Variants in TFDP1 observed in about 807,000 individuals in gnomAD.
TFDP1 encodes transcription factor Dp-1.
TFDP1 carries 6 observed loss-of-function variants against 48.0 expected under a neutral mutation model. The ratio of observed to expected loss-of-function variants is 0.13; its 90% confidence interval spans 0.07 to 0.25. The LOEUF is 0.25. TFDP1 is among the 10% of genes least tolerant of loss of function. The probability of loss-of-function intolerance (pLI) is 1.00; values close to 1 mark genes in which losing one functional copy is unlikely to be tolerated. For synonymous variants in TFDP1, 201 were observed against 211.6 expected, an observed-to-expected ratio of 0.95 and a Z score of 0.44; for missense variants, 335 against 543.0, an observed-to-expected ratio of 0.62 and a Z score of 3.81.
intron 2 of TFDP1, among the ~76,000 whole-genome samples, chr13:113,596,415 T>C (rs2048290548): frequency 6.6e-6 from 1 of 152,168 alleles, no homozygotes; most frequent in South Asian, 2.1e-4. Flanking sequence ...CGATGCAGCA[T>C]GGAGGACAGA....
In TFDP1 at chr13:113,596,076, C is replaced by T. The variant is rs144006555; in HGVS notation, c.12+10227C>T. Among the ~76,000 whole-genome samples, 23 of 151,496 alleles carry T rather than the reference C, an allele frequency of 1.5e-4. No individual in the cohort carries two copies. In the East Asian group the frequency reaches 3.7e-3, roughly 24 times the overall value. On this transcript the variant is annotated intron_variant, in intron 2 of 11. Transcript: ENST00000375370. ...CCGCCTGGGCGACAGAGTGAGACTC[C>T]GTCTCAAAAAAAAAAAGTATTAATG...
intron 3 of TFDP1, among the ~76,000 whole-genome samples, chr13:113,613,749 T>C (rs1303604776): frequency 6.9e-6 from 1 of 145,504 alleles, no homozygotes; most frequent in Non-Finnish European, 1.5e-5. Flanking sequence ...TCTGTGTGTA[T>C]GCGTGAATGC....
In TFDP1 at chr13:113,636,663, A is replaced by G; in HGVS notation, c.969A>G (p.Arg323=). ...SCSAEDLKMA[R]SLVPKALEPY... ...CTGCCGAAGACCTTAAAATGGCCAG[A>G]AGTCTGGTCCCCAAGGCTCTGGAGC... is the stretch of plus-strand genomic sequence containing the variant. The change falls in exon 10 of 12, where the codon AGA becomes AGG. Residue 323 remains arginine, a synonymous_variant. Transcript: ENST00000375370. 1 of 1,614,166 alleles carries G rather than the reference A, an allele frequency of 6.2e-7. No individual in the cohort carries two copies. The highest frequency in any genetic ancestry group is 8.5e-7 in the Non-Finnish European group (1 of 1,180,010).
intron 2 of TFDP1, among the ~76,000 whole-genome samples, chr13:113,599,888 C>T (rs1400076397): frequency 6.7e-6 from 1 of 149,820 alleles, no homozygotes; most frequent in Non-Finnish European, 1.5e-5. Context: ...GGCTTCAGGA[C>T]TGCCAGAGAG....
At chr13:113,590,915 TAGG>T (rs1566632495) in intron 2 of TFDP1, among the ~76,000 whole-genome samples, 1 of 134,284 alleles carries the variant, frequency 7.4e-6, no homozygotes, top group African/African-American at 2.9e-5. Flanking sequence ...GAGGCTGAGT[TAGG>T]AGAATGGCGT....
At chr13:113,602,872 A>G (rs2048472449) in intron 2 of TFDP1, among the ~76,000 whole-genome samples, 1 of 151,676 alleles carries the variant, frequency 6.6e-6, no homozygotes, top group Admixed American at 6.6e-5. Flanking sequence ...CACAGAGTTG[A>G]TGCCAGGGGT....
At chr13:113,636,494 T>C in intron 9 of TFDP1, 40 bp from the exon 10 acceptor site, 1 of 1,606,134 alleles carries the variant, frequency 6.2e-7, no homozygotes, top group South Asian at 1.1e-5. Flanking sequence ...CCGTCTCCGC[T>C]GGGAGACCCT....
chr13:113,639,803 C>T (rs1566682116), intron 11 of TFDP1, among the ~76,000 whole-genome samples: 1 of 152,224 alleles, frequency 6.6e-6, no homozygotes. Flanking sequence ...AATGGTTTTA[C>T]AGTTTGTTCC....
intron 4 of TFDP1, among the ~76,000 whole-genome samples, chr13:113,625,974 C>T (rs890976666): frequency 6.9e-6 from 1 of 145,298 alleles, no homozygotes; most frequent in Middle Eastern, 3.3e-3. Context: ...GCGTCTCTCA[C>T]GTGTCCTCAG....
intron 2 of TFDP1, among the ~76,000 whole-genome samples, chr13:113,605,127 C>T (rs1254313678): frequency 2.6e-5 from 4 of 151,778 alleles, no homozygotes; most frequent in Admixed American, 2.0e-4. Flanking sequence ...TCTTGCGACT[C>T]TTCCTGTTGT....
chr13:113,601,054 C>T (rs79277679), intron 2 of TFDP1, among the ~76,000 whole-genome samples: 1,934 of 152,310 alleles, frequency 0.013, 38 homozygotes, highest in African/African-American at 0.044. Flanking sequence ...TCACGCTGTC[C>T]TGGATCTTCT....
chr13:113,604,947 G>T (rs1238454492), intron 2 of TFDP1, among the ~76,000 whole-genome samples: 1 of 152,226 alleles, frequency 6.6e-6, no homozygotes, highest in Non-Finnish European at 1.5e-5. Context: ...GTAAAGGTGA[G>T]CAGCAGCGAG....
rs574108877 is a variant in TFDP1 at position 113,590,886 on chromosome 13, T to TG, written c.12+5038dup. ...TTAGCCAGGCATGGTGGTGGGCGCC[T>TG]GTAGTCCCAGCTACTGGGGAGGCTG... On this transcript the variant is annotated intron_variant, in intron 2 of 11. Transcript: ENST00000375370. 1.3e-4 allele frequency among the ~76,000 whole-genome samples: 19 copies of TG among 151,620 alleles called. No individual in the cohort carries two copies. In the South Asian group the frequency reaches 3.5e-3, roughly 28 times the overall value.
At chr13:113,597,497 C>G (rs997195673) in intron 2 of TFDP1, among the ~76,000 whole-genome samples, 1 of 152,220 alleles carries the variant, frequency 6.6e-6, no homozygotes, top group East Asian at 1.9e-4. Flanking sequence ...GTCCCGGGGC[C>G]TGAACGGCTG....
intron 8 of TFDP1, 137 bp downstream of exon 8, chr13:113,634,739 A>AACACC: frequency 1.5e-6 from 1 of 679,186 alleles, no homozygotes; most frequent in Non-Finnish European, 2.5e-6. Context: ...GTGTGAGTTC[A>AACACC]TCTCATAGGT....
At chr13:113,588,615 A>G (rs1471878671) in intron 2 of TFDP1, among the ~76,000 whole-genome samples, 10 of 152,188 alleles carry the variant, frequency 6.6e-5, no homozygotes. Context: ...GGGAGGAGAG[A>G]GGTACTCTGA....
At chr13:113,634,871 C>CTGTGTG (rs1164166730) in intron 8 of TFDP1, among the ~76,000 whole-genome samples, 5 of 146,224 alleles carry the variant, frequency 3.4e-5, no homozygotes, top group African/African-American at 1.3e-4. Flanking sequence ...GTGCGTGTGC[C>CTGTGTG]TGTGTGCGTG....
At position 113,640,583 on chromosome 13, in the gene TFDP1, G is replaced by A. The variant is rs2049618183; in HGVS notation, c.*316G>A. 6.7e-6 allele frequency: 2 copies of A among 297,662 alleles called. No individual in the cohort carries two copies. Among genetic ancestry groups the A allele is most frequent in the East Asian group, 2.8e-4 (2 of 7,254 alleles). The allele number at this position is 297,662 out of a possible 1,614,324, so 18.4% of individuals were successfully genotyped here. Reference sequence around the variant, plus strand: ...AAAAGTTTTTGCTGAGTTTGCTGAAGAAATTGTATTTCAACCACATCCATG... The same window carrying A: ...AAAAGTTTTTGCTGAGTTTGCTGAAAAAATTGTATTTCAACCACATCCATG... On this transcript the variant is annotated 3_prime_UTR_variant, in exon 12 of 12. Transcript: ENST00000375370.
intron 2 of TFDP1, among the ~76,000 whole-genome samples, chr13:113,596,917 G>C (rs1022731569): frequency 6.6e-6 from 1 of 152,204 alleles, no homozygotes; most frequent in Non-Finnish European, 1.5e-5. Context: ...AGACAGAAAG[G>C]CTGCGCGTCC....
Sources: gnomAD v4.1 joint callset for allele counts (sites outside exome capture counted in the v4.1 genomes callset) on GRCh38, gnomAD v4.1.1 for gene constraint, MANE v1.5 for transcripts, NCBI Gene and HGNC (gene_info 2026-07-23, HGNC 2026-07-21) for gene names.